The following RBM38 variants were observed in gnomAD, a reference collection of about 807,000 sequenced individuals.
RBM38 encodes RNA-binding protein 38.
RBM38 carries 11 observed loss-of-function variants against 23.5 expected under a neutral mutation model. The observed-to-expected ratio is 0.47, with a 90% CI of 0.29 to 0.77. The LOEUF is 0.77. Ranked by LOEUF, RBM38 falls within the 30% of genes least tolerant of loss-of-function variation. The pLI is 0.08. For missense variants in RBM38, 330 were observed against 351.9 expected (o/e 0.94, Z 0.50); for synonymous variants, 165 against 166.1 (o/e 0.99, Z 0.05).
At chr20:57,392,356 C>A in intron 1 of RBM38, 1 of 1,429,476 alleles carries the variant, frequency 7.0e-7, no homozygotes, top group African/African-American at 1.4e-5. Context: ...AGGCGGCCCC[C>A]CAAGCTCCCT....
intron 1 of RBM38, chr20:57,392,441 C>A (rs930632342): frequency 6.5e-7 from 1 of 1,530,984 alleles, no homozygotes; most frequent in African/African-American, 1.4e-5. Flanking sequence ...AGGCCTTGAA[C>A]TTTGACGGGA....
intron 3 of RBM38, among the ~76,000 whole-genome samples, chr20:57,400,834 TGGAA>T (rs974689778): frequency 3.3e-5 from 5 of 152,086 alleles, no homozygotes; most frequent in Non-Finnish European, 5.9e-5. Flanking sequence ...GGCCGGAACT[TGGAA>T]GGAAACTGGA....
At chr20:57,402,136 G>A (rs1300966238) in intron 3 of RBM38, among the ~76,000 whole-genome samples, 4 of 152,086 alleles carry the variant, frequency 2.6e-5, no homozygotes, top group Non-Finnish European at 5.9e-5. Context: ...TAGTAGAGAT[G>A]GGGTTTCACC....
At position 57,407,883 on chromosome 20, in the gene RBM38, C is replaced by T. The variant is rs1241452646; in HGVS notation, c.*37C>T. ...GCCCCGAGGACTGTGGCATTGTCAC[C>T]TTCACAGCAGACAGAGCTGCCAGGC... On this transcript the variant is annotated 3_prime_UTR_variant, in exon 4 of 4. Coordinates refer to ENST00000356208, the MANE Select transcript of RBM38 (RefSeq NM_017495.6). This position sits in a 1 kb window ranked among gnomAD's most constrained non-coding sequence, Gnocchi z 4.0. 2 of 1,518,536 alleles carry T rather than the reference C, an allele frequency of 1.3e-6. No individual in the cohort carries two copies. The highest frequency in any genetic ancestry group is 8.8e-7 in the Non-Finnish European group (1 of 1,135,024). The allele number at this position is 1,518,536 out of a possible 1,614,324, so 94.1% of individuals were successfully genotyped here.
chr20:57,392,909 C>A (rs996350684), intron 2 of RBM38, 132 bp downstream of exon 2: 1 of 1,246,458 alleles, frequency 8.0e-7, no homozygotes, highest in Non-Finnish European at 1.1e-6. Context: ...GCAGAGCCGG[C>A]ACAGGGCAGC....
intron 3 of RBM38, among the ~76,000 whole-genome samples, chr20:57,405,012 C>G (rs960422689): frequency 2.6e-5 from 4 of 152,190 alleles, no homozygotes; most frequent in African/African-American, 9.6e-5. Flanking sequence ...CTGCCCTCAT[C>G]CACTCTTCAG....
intron 1 of RBM38, among the ~76,000 whole-genome samples, 151 bp downstream of exon 1, chr20:57,391,969 G>A (rs1043610751): frequency 5.4e-5 from 3 of 55,300 alleles, no homozygotes; most frequent in African/African-American, 1.4e-4. Context: ...CGCCTCTCCC[G>A]GGCGCGCTCC....
intron 3 of RBM38, among the ~76,000 whole-genome samples, chr20:57,400,744 A>G (rs1000606728): frequency 1.3e-5 from 2 of 151,994 alleles, no homozygotes; most frequent in African/African-American, 4.8e-5. Context: ...GATTGGTGCA[A>G]GACCCTTCTC....
chr20:57,400,116 C>G (rs1464111936), intron 3 of RBM38: 6 of 402,854 alleles, frequency 1.5e-5, no homozygotes, highest in Admixed American at 1.2e-4. Flanking sequence ...CTGTTGGACT[C>G]TGCAGCATCC....
intron 3 of RBM38, among the ~76,000 whole-genome samples, chr20:57,396,386 G>A (rs1393834377): frequency 2.6e-5 from 4 of 152,210 alleles, no homozygotes; most frequent in Non-Finnish European, 5.9e-5. Flanking sequence ...GGGAGGTGCA[G>A]CAGTCTGGAG....
chr20:57,404,638 A>T (rs1048219707), intron 3 of RBM38, among the ~76,000 whole-genome samples: 1 of 151,988 alleles, frequency 6.6e-6, no homozygotes, highest in Admixed American at 6.6e-5. Flanking sequence ...TGTGCCACCC[A>T]CCGGGCCTTT....
intron 3 of RBM38, among the ~76,000 whole-genome samples, chr20:57,406,763 G>A (rs902343554): frequency 2.6e-5 from 4 of 152,208 alleles, no homozygotes; most frequent in Admixed American, 6.5e-5. Flanking sequence ...GGAGGCCGAG[G>A]TGGGCGGATC....
At chr20:57,404,007 G>C (rs1423977630) in intron 3 of RBM38, among the ~76,000 whole-genome samples, 1 of 152,238 alleles carries the variant, frequency 6.6e-6, no homozygotes, top group Non-Finnish European at 1.5e-5. Context: ...GTGTCTGCAA[G>C]GGTCAGGAAA....
rs553936994 is a variant in RBM38, at chr20:57,392,934, G to A, written c.361+157G>A. 1.3e-4 allele frequency: 128 copies of A among 1,008,370 alleles called. 1 individual carries two copies. The South Asian group carries it at 2.0e-3, about 15-fold the overall frequency. The allele number at this position is 1,008,370 out of a possible 1,614,324, so 62.5% of individuals were successfully genotyped here. The stretch of plus-strand genomic sequence containing the variant: ...CACAGGGCAGCCATCCCCCCCTCGA[G>A]GATCTAGACCCCTTCTCACAGCGTG... On this transcript the variant is annotated intron_variant, in intron 2 of 3. Transcript: ENST00000356208.
At position 57,407,152 on chromosome 20, in the gene RBM38, G is replaced by A. The variant is rs1206474280; in HGVS notation, c.417-391G>A. On this transcript the variant is annotated intron_variant, in intron 3 of 3. Transcript: ENST00000356208. The surrounding 1 kb of genome is among the most constrained non-coding windows in gnomAD (Gnocchi z 4.0). ...GCTGGCCTCCCAGACATGCAACCAG[G>A]ACATTCGTACCGGGCCCTGCTCTTG... Among the ~76,000 whole-genome samples, 1 of 152,202 alleles carries A rather than the reference G, an allele frequency of 6.6e-6. No individual in the cohort carries two copies. The highest frequency in any genetic ancestry group is 1.5e-5 in the Non-Finnish European group (1 of 68,032).
intron 3 of RBM38, among the ~76,000 whole-genome samples, chr20:57,398,864 G>A (rs1157667252): frequency 6.6e-6 from 1 of 152,244 alleles, no homozygotes; most frequent in Non-Finnish European, 1.5e-5. Context: ...TTCACCTTGT[G>A]TCCAGGGTGG....
At position 57,392,763 on chromosome 20, in the gene RBM38, G is replaced by C; in HGVS notation, c.347G>C (p.Arg116Pro). 1 of 1,613,136 alleles carries C rather than the reference G, an allele frequency of 6.2e-7. No homozygotes were observed. Among genetic ancestry groups the C allele is most frequent in the Non-Finnish European group, 8.5e-7 (1 of 1,179,790 alleles). ...VNLAYLGAKP[R>P]SLQTGFAIGV... ...CTGGCATATCTGGGCGCCAAGCCGC[G>C]GAGCCTCCAGACGGGTGAGAGCTTG... The change falls in exon 2 of 4, where the codon CGG becomes CCG. Residue 116 changes from arginine (R) to proline (P), a missense_variant. Around this residue, in one of 3 missense-constraint regions of RBM38, gnomAD observed 227 missense variants for 216.4 expected, o/e 1.05. Coordinates refer to ENST00000356208, the MANE Select transcript of RBM38 (RefSeq NM_017495.6).
At chr20:57,402,419 G>A (rs2067337774) in intron 3 of RBM38, among the ~76,000 whole-genome samples, 1 of 152,224 alleles carries the variant, frequency 6.6e-6, no homozygotes, top group African/African-American at 2.4e-5. Flanking sequence ...GTGGGCATAG[G>A]CTGCAGTGGG....
At chr20:57,400,162 C>CT (rs1366345378) in intron 3 of RBM38, among the ~76,000 whole-genome samples, 10 of 152,302 alleles carry the variant, frequency 6.6e-5, no homozygotes, top group African/African-American at 2.2e-4. Flanking sequence ...GCCGGAGGGG[C>CT]TGAGTGATGG....
Sources: allele counts gnomAD v4.1 joint callset (sites outside exome capture counted in the v4.1 genomes callset), GRCh38; gene constraint gnomAD v4.1.1; regional missense constraint gnomAD v4.1.1; non-coding constraint Gnocchi (gnomAD v3.1); transcripts MANE v1.5; gene names NCBI Gene and HGNC (gene_info 2026-07-23, HGNC 2026-07-21).